NUDT19: variants seen among roughly 807,000 people sequenced by gnomAD.
The protein encoded by NUDT19 is acyl-coenzyme A diphosphatase NUDT19.
NUDT19 carries 31 observed loss-of-function variants against 22.2 expected under a neutral mutation model. That is an observed-to-expected ratio of 1.40 (90% CI 1.05 to 1.89). The LOEUF (loss-of-function observed/expected upper bound fraction) is 1.89. NUDT19 is among the 40% of genes most tolerant of loss of function. The probability of loss-of-function intolerance (pLI) is 0.00; values close to 1 mark genes in which losing one functional copy is unlikely to be tolerated. For synonymous variants in NUDT19, 325 were observed against 230.8 expected, an observed-to-expected ratio of 1.41 and a Z score of -3.70; for missense variants, 752 against 514.2, an observed-to-expected ratio of 1.46 and a Z score of -4.47.
chr19:32,708,805 G>C (rs1968415252), intron 1 of NUDT19, among the ~76,000 whole-genome samples: 1 of 152,182 alleles, frequency 6.6e-6, no homozygotes, highest in Admixed American at 6.5e-5. Flanking sequence ...CCAGAGGAAT[G>C]AACAGGCACC....
rs146711840 is a variant in NUDT19 at position 32,706,295 on chromosome 19, C to A, written c.715-2890C>A. On this transcript the variant is annotated intron_variant, in intron 1 of 2. Coordinates refer to ENST00000397061, the MANE Select transcript of NUDT19 (RefSeq NM_001105570.2). ...ATGGTTTGAGTTACCCTCAGTCAAC[C>A]AAGGTCTGAAAATATTAAGATATTT... 7.4e-3 allele frequency among the ~76,000 whole-genome samples: 1,127 copies of A among 152,246 alleles called. 18 individuals carry two copies. Among genetic ancestry groups the A allele is most frequent in the Non-Finnish European group, 7.0e-3 (478 of 68,016 alleles).
At position 32,706,106 on chromosome 19, in the gene NUDT19, G is replaced by GA. The variant is rs1197147442; in HGVS notation, c.715-3071dup. On this transcript the variant is annotated intron_variant, in intron 1 of 2. Transcript: ENST00000397061. ...GAATAAAGTAAAATACTAATAATAG[G>GA]AAAAAAAAGAGGCATCATTCTTTCC... Among the ~76,000 whole-genome samples, 4 of 151,528 alleles carry GA rather than the reference G, an allele frequency of 2.6e-5. No individual in the cohort carries two copies. In the South Asian group the frequency reaches 6.2e-4, roughly 24 times the overall value.
chr19:32,692,742 C>G, intron 1 of NUDT19, 68 bp downstream of exon 1: 2 of 1,283,434 alleles, frequency 1.6e-6, no homozygotes, highest in Non-Finnish European at 2.0e-6. Context: ...CCCAGCGGCC[C>G]AGGCCCCCAA....
At chr19:32,700,663 C>G (rs1968325374) in intron 1 of NUDT19, among the ~76,000 whole-genome samples, 1 of 152,144 alleles carries the variant, frequency 6.6e-6, no homozygotes, top group African/African-American at 2.4e-5. Context: ...CTCCTGGCCT[C>G]AAGCGACCGT....
intron 1 of NUDT19, among the ~76,000 whole-genome samples, chr19:32,695,893 G>C (rs942200112): frequency 3.3e-5 from 5 of 152,186 alleles, no homozygotes; most frequent in African/African-American, 1.2e-4. Context: ...AGTGCCACTA[G>C]TTCTGCTAAC....
At chr19:32,706,858 G>C (rs1409490508) in intron 1 of NUDT19, among the ~76,000 whole-genome samples, 2 of 152,190 alleles carry the variant, frequency 1.3e-5, no homozygotes, top group Non-Finnish European at 2.9e-5. Context: ...CATAAGGGGA[G>C]ACTACTGTAT....
chr19:32,692,010 G>T lies in NUDT19; in HGVS notation c.50G>T (p.Ser17Ile). The change falls in exon 1 of 3, where the codon AGC becomes ATC. Residue 17 changes from serine to isoleucine, a missense_variant. Transcript: ENST00000397061. The part of the protein sequence containing the change: ...PGPSRWRRAA[S>I]IVLAAGWSRP... Reference sequence around the variant, plus strand: ...CCCAGCCGCTGGCGGCGGGCGGCCAGCATCGTCCTGGCGGCTGGCTGGTCG... The same window carrying T: ...CCCAGCCGCTGGCGGCGGGCGGCCATCATCGTCCTGGCGGCTGGCTGGTCG... 8.0e-7 allele frequency: 1 copy of T among 1,249,980 alleles called. No individual in the cohort carries two copies. Among genetic ancestry groups the T allele is most frequent in the Non-Finnish European group, 1.0e-6 (1 of 1,001,126 alleles). The allele number at this position is 1,249,980 out of a possible 1,614,324, so 77.4% of individuals were successfully genotyped here. A position where few individuals can be genotyped will look rare whatever the true frequency, so the allele number is the denominator to read the frequency against.
At chr19:32,700,645 G>T (rs1279608661) in intron 1 of NUDT19, among the ~76,000 whole-genome samples, 1 of 152,148 alleles carries the variant, frequency 6.6e-6, no homozygotes, top group Non-Finnish European at 1.5e-5. Flanking sequence ...GCTCAGGGAG[G>T]TCTTGAACTC....
chr19:32,706,061 C>T (rs779538431), intron 1 of NUDT19, among the ~76,000 whole-genome samples: 1 of 152,130 alleles, frequency 6.6e-6, no homozygotes, highest in Non-Finnish European at 1.5e-5. Context: ...AAATCATTCT[C>T]TCCTTATGTA....
At chr19:32,710,021 A>C (rs576015722) in intron 2 of NUDT19, among the ~76,000 whole-genome samples, 23 of 151,524 alleles carry the variant, frequency 1.5e-4, no homozygotes, top group African/African-American at 5.3e-4. Flanking sequence ...AATTTGAATT[A>C]GGGAGCTTTT....
Position 32,692,170 on chromosome 19 carries a change from C to G in NUDT19, c.210C>G (p.Ala70=), listed in dbSNP as rs760602657. 3.9e-6 allele frequency: 6 copies of G among 1,534,832 alleles called. No homozygotes were observed. The highest frequency in any genetic ancestry group is 5.2e-6 in the Non-Finnish European group (6 of 1,150,828). ...HVFSGGVLDA[A]DRSADWLGLF... is the part of the protein sequence containing the mutation. ...TCTCCGGCGGAGTGCTGGATGCGGC[C>G]GACCGCTCGGCGGACTGGCTGGGCC... Residue 70 remains alanine (A), a synonymous_variant, in exon 1 of 3, where the codon GCC becomes GCG. Coordinates refer to ENST00000397061, the MANE Select transcript of NUDT19 (RefSeq NM_001105570.2).
chr19:32,711,229 C>T (rs960818389), intron 2 of NUDT19, among the ~76,000 whole-genome samples: 1 of 151,892 alleles, frequency 6.6e-6, no homozygotes, highest in Non-Finnish European at 1.5e-5. Flanking sequence ...TTTGGGAGGC[C>T]GAGGTGGGTG....
intron 1 of NUDT19, among the ~76,000 whole-genome samples, chr19:32,697,363 C>T (rs1599797295): frequency 6.6e-6 from 1 of 152,124 alleles, no homozygotes; most frequent in Non-Finnish European, 1.5e-5. Flanking sequence ...CTTTTAGGAT[C>T]AATTGACCCT....
At position 32,709,303 on chromosome 19, in the gene NUDT19, A is replaced by T. The variant is rs777709939; in HGVS notation, c.833A>T (p.Lys278Ile). Reference protein sequence around the residue: ...ANFASLSDLHKFCLGRALEGL... With the variant: ...ANFASLSDLHIFCLGRALEGL... ...TTTGCCTCTCTCTCTGACTTGCACA[A>T]ATTTTGTTTGGGTCGTGCATTAGAA... Residue 278 changes from lysine to isoleucine, a missense_variant, in exon 2 of 3, where the codon AAA becomes ATA. Physicochemically the swap from Lys to Ile is moderately radical, Grantham distance 102. Transcript: ENST00000397061. 3 of 1,614,112 alleles carry T rather than the reference A, an allele frequency of 1.9e-6. No individual in the cohort carries two copies. In the East Asian group the frequency reaches 6.7e-5, roughly 36 times the overall value.
chr19:32,705,167 A>C (rs1478721503), intron 1 of NUDT19, among the ~76,000 whole-genome samples: 2 of 150,762 alleles, frequency 1.3e-5, no homozygotes, highest in Non-Finnish European at 2.9e-5. Flanking sequence ...TCACGCCTGT[A>C]ACTCCAGCAC....
intron 1 of NUDT19, among the ~76,000 whole-genome samples, chr19:32,697,021 C>T (rs1026513122): frequency 2.0e-5 from 3 of 152,164 alleles, no homozygotes; most frequent in African/African-American, 7.2e-5. Flanking sequence ...GCATAGTGGA[C>T]ATGGGCGAGG....
In NUDT19 at chr19:32,712,294, G is replaced by T; in HGVS notation, c.*337G>T. 1 of 182,450 alleles carries T rather than the reference G, an allele frequency of 5.5e-6. No homozygotes were observed. Among genetic ancestry groups the T allele is most frequent in the Non-Finnish European group, 1.1e-5 (1 of 88,390 alleles). The allele number at this position is 182,450 out of a possible 1,614,324, so 11.3% of individuals were successfully genotyped here. On this transcript the variant is annotated 3_prime_UTR_variant, in exon 3 of 3. Transcript: ENST00000397061. ...GGTTTTCACCGTGTTAGCCAGGATG[G>T]TCTCAATCTCTTGACCTCGTGATAC...
Position 32,712,060 on chromosome 19 carries a change from G to T in NUDT19, c.*103G>T, listed in dbSNP as rs1277250542. 1 of 791,678 alleles carries T rather than the reference G, an allele frequency of 1.3e-6. No homozygotes were observed. Among genetic ancestry groups the T allele is most frequent in the East Asian group, 2.4e-5 (1 of 40,938 alleles). 49.0% of individuals were successfully genotyped at this position (791,678 alleles called of 1,614,324 possible). A position where few individuals can be genotyped will look rare whatever the true frequency, so the allele number is the denominator to read the frequency against. Reference sequence around the variant, plus strand: ...CTTAAGGAAGTTTGTGCCTATAAAAGTTACTGCAATTCAGTATTTCTTTAT... The same window carrying T: ...CTTAAGGAAGTTTGTGCCTATAAAATTTACTGCAATTCAGTATTTCTTTAT... On this transcript the variant is annotated 3_prime_UTR_variant, in exon 3 of 3. Coordinates refer to ENST00000397061, the MANE Select transcript of NUDT19 (RefSeq NM_001105570.2).
chr19:32,711,639 A>G (rs1381791102), intron 2 of NUDT19, 113 bp from the exon 3 acceptor site: 8 of 649,192 alleles, frequency 1.2e-5, no homozygotes, highest in Non-Finnish European at 2.2e-5. Context: ...TTTCATTAGT[A>G]TATTGGAGTG....
Sources: allele counts gnomAD v4.1 joint callset (sites outside exome capture counted in the v4.1 genomes callset), GRCh38; gene constraint gnomAD v4.1.1; transcripts MANE v1.5; gene names NCBI Gene and HGNC (gene_info 2026-07-23, HGNC 2026-07-21).